The following TUSC3 variants were observed in gnomAD, a reference collection of about 807,000 sequenced individuals.
TUSC3 encodes the protein dolichyl-diphosphooligosaccharide--protein glycosyltransferase subunit TUSC3.
In TUSC3, 45 loss-of-function variants were observed where a neutral mutation model predicts 44.8. That is an observed-to-expected ratio of 1.00 (90% CI 0.79 to 1.29). TUSC3 has a LOEUF of 1.29. Ranked by LOEUF, TUSC3 falls within the 50% of genes most tolerant of loss-of-function variation. TUSC3 has a pLI of 0.00. For missense variants in TUSC3, 519 were observed against 437.9 expected (o/e 1.19, Z -1.65); for synonymous variants, 212 against 152.9 (o/e 1.39, Z -2.85).
intron 8 of TUSC3, among the ~76,000 whole-genome samples, chr8:15,744,851 C>A (rs572296917): frequency 6.6e-6 from 1 of 151,886 alleles, no homozygotes; most frequent in East Asian, 1.9e-4. Flanking sequence ...AAGTTTGTCC[C>A]ATGGGTATTT....
intron 5 of TUSC3, 86 bp from the exon 6 acceptor site, chr8:15,673,661 C>G (rs1808055783): frequency 8.7e-7 from 1 of 1,152,076 alleles, no homozygotes; most frequent in South Asian, 1.2e-5. Flanking sequence ...TTAAAAGATA[C>G]TTTCATGATG....
chr8:15,685,526 C>T (rs149028309), intron 6 of TUSC3, among the ~76,000 whole-genome samples: 314 of 152,204 alleles, frequency 2.1e-3, no homozygotes, highest in African/African-American at 7.2e-3. Context: ...AATTTGTTCC[C>T]TTAACAGAAA....
intron 3 of TUSC3, among the ~76,000 whole-genome samples, chr8:15,654,203 T>C (rs1326162058): frequency 6.6e-6 from 1 of 152,150 alleles, no homozygotes; most frequent in Non-Finnish European, 1.5e-5. Context: ...GTGAGGAAGA[T>C]GGGGACTTTC....
chr8:15,807,295 C>A, the TUSC3 span: 4 of 527,102 alleles, frequency 7.6e-6, no homozygotes, highest in South Asian at 6.0e-5. Flanking sequence ...TGTCATAATC[C>A]TGTAGGTCTC....
chr8:15,820,580 C>T, the TUSC3 span, among the ~76,000 whole-genome samples: 5 of 152,142 alleles, frequency 3.3e-5, no homozygotes, highest in African/African-American at 1.2e-4. Flanking sequence ...AGCCTCCCAA[C>T]GTGCTGGGAT....
At chr8:15,730,757 A>T (rs763157764) in intron 7 of TUSC3, 28 bp downstream of exon 7, 2 of 1,605,510 alleles carry the variant, frequency 1.2e-6, no homozygotes, top group East Asian at 4.5e-5. Context: ...CGACGAATTG[A>T]AAAGGGCAAA....
At chr8:15,673,290 A>C (rs2129183331) in intron 5 of TUSC3, among the ~76,000 whole-genome samples, 1 of 152,228 alleles carries the variant, frequency 6.6e-6, no homozygotes, top group Admixed American at 6.5e-5. Flanking sequence ...TTAGGTACTT[A>C]CGGAGATTTA....
intron 1 of TUSC3, among the ~76,000 whole-genome samples, chr8:15,602,249 A>G (rs960714577): frequency 2.0e-5 from 3 of 151,620 alleles, no homozygotes; most frequent in Non-Finnish European, 4.4e-5. Context: ...TCCTTTTTGA[A>G]TAAATCTATT....
At chr8:15,804,288 C>T in the TUSC3 span, among the ~76,000 whole-genome samples, 1 of 152,314 alleles carries the variant, frequency 6.6e-6, no homozygotes, top group South Asian at 2.1e-4. Context: ...AGTTTACACT[C>T]TTTACTCTGT....
At chr8:15,602,696 G>GTGTA (rs781222706) in intron 1 of TUSC3, among the ~76,000 whole-genome samples, 4 of 143,114 alleles carry the variant, frequency 2.8e-5, no homozygotes, top group South Asian at 2.2e-4. Flanking sequence ...GTGTGTGTGT[G>GTGTA]TATATATGTG....
intron 7 of TUSC3, among the ~76,000 whole-genome samples, chr8:15,738,965 T>C (rs1043109647): frequency 1.3e-5 from 2 of 151,456 alleles, no homozygotes; most frequent in Non-Finnish European, 2.9e-5. Context: ...CCTGAGCAGC[T>C]GGCACCACAG....
At chr8:15,821,532 G>T in the TUSC3 span, among the ~76,000 whole-genome samples, 11 of 150,348 alleles carry the variant, frequency 7.3e-5, no homozygotes, top group African/African-American at 2.7e-4. Context: ...CCTTTCTTCT[G>T]CTTTTTTACC....
rs71211064 is a variant in TUSC3, at chr8:15,617,138, A to ATTT, written c.139-5925_139-5923dup. Among the ~76,000 whole-genome samples the ATTT allele has an allele frequency of 1.3e-3, 120 of 88,902 alleles. 1 individual carries two copies. The highest frequency in any genetic ancestry group is 6.0e-3 in the Middle Eastern group (1 of 168). 58.3% of individuals were successfully genotyped at this position (88,902 alleles called of 152,430 possible). On this transcript the variant is annotated intron_variant, in intron 1 of 10. Coordinates refer to ENST00000503731, the MANE Select transcript of TUSC3 (RefSeq NM_006765.4). ...CTGTAAAATGTGTGTGTGTGTATATATTTTTTTTTTTTTTTTTTTGAGACA... is the reference window on the plus strand; with the variant it reads ...CTGTAAAATGTGTGTGTGTGTATATATTTTTTTTTTTTTTTTTTTTTTGAGACA...
chr8:15,797,326 C>A, the TUSC3 span, among the ~76,000 whole-genome samples: 2 of 152,156 alleles, frequency 1.3e-5, no homozygotes, highest in African/African-American at 4.8e-5. Flanking sequence ...CCTAAAGAGT[C>A]CAGCAATGTG....
chr8:15,759,902 A>G (rs1682819662), intron 10 of TUSC3, among the ~76,000 whole-genome samples: 1 of 152,142 alleles, frequency 6.6e-6, no homozygotes. Flanking sequence ...CAGTCACACA[A>G]GATGGAAATC....
At chr8:15,553,270 A>G (rs1418678229) in intron 1 of TUSC3, among the ~76,000 whole-genome samples, 3 of 151,756 alleles carry the variant, frequency 2.0e-5, no homozygotes, top group African/African-American at 7.2e-5. Context: ...ATGGTGGTGG[A>G]TAAAAATCAC....
At chr8:15,825,353 C>T in the TUSC3 span, among the ~76,000 whole-genome samples, 8 of 152,206 alleles carry the variant, frequency 5.3e-5, no homozygotes, top group South Asian at 1.2e-3. Context: ...GAGTAAGGCA[C>T]GTCTTACATG....
At chr8:15,503,861 G>A (rs1801007385) in intron 2 of TUSC3, among the ~76,000 whole-genome samples, 2 of 151,764 alleles carry the variant, frequency 1.3e-5, no homozygotes, top group African/African-American at 2.4e-5. Flanking sequence ...AATGGTAATG[G>A]CTCCACAGCT....
chr8:15,722,795 G>A (rs185753866), intron 6 of TUSC3, among the ~76,000 whole-genome samples: 2 of 151,240 alleles, frequency 1.3e-5, no homozygotes, highest in East Asian at 2.0e-4. Context: ...ATCTGAATGT[G>A]TAGCAGTTCA....
Sources: allele counts gnomAD v4.1 joint callset (sites outside exome capture counted in the v4.1 genomes callset), GRCh38; gene constraint gnomAD v4.1.1; transcripts MANE v1.5; gene names NCBI Gene and HGNC (gene_info 2026-07-23, HGNC 2026-07-21).